PTPRD: variants seen among roughly 807,000 people sequenced by gnomAD.
PTPRD encodes protein tyrosine phosphatase receptor type D, also known as receptor-type tyrosine-protein phosphatase delta.
PTPRD carries 34 observed loss-of-function variants against 214.5 expected under a neutral mutation model. That is an observed-to-expected ratio of 0.16 (90% CI 0.12 to 0.21). The LOEUF (loss-of-function observed/expected upper bound fraction) is 0.21, where lower values mean the gene tolerates loss of function less well. Among genes scored for constraint, PTPRD ranks in the 10% least tolerant of loss-of-function variants. The pLI is 1.00. For missense variants in PTPRD, 2,545 were observed against 2,398.7 expected, an observed-to-expected ratio of 1.06 and a Z score of -1.27; for synonymous variants, 1,128 against 845.7, an observed-to-expected ratio of 1.33 and a Z score of -5.79.
chr9:10,444,835 C>A (rs1282429341), intron 2 of PTPRD, among the ~76,000 whole-genome samples: 3 of 151,678 alleles, frequency 2.0e-5, no homozygotes, highest in Non-Finnish European at 4.4e-5. Context: ...TTAAAATTAA[C>A]TAACTTTTTC....
intron 8 of PTPRD, among the ~76,000 whole-genome samples, chr9:9,430,101 G>A (rs868734617): frequency 5.9e-5 from 9 of 152,146 alleles, no homozygotes; most frequent in Admixed American, 3.9e-4. Flanking sequence ...AGGAAAAGAG[G>A]AAGTCAAACT....
intron 3 of PTPRD, among the ~76,000 whole-genome samples, chr9:10,245,730 A>G (rs2091966240): frequency 1.3e-5 from 2 of 152,132 alleles, no homozygotes; most frequent in African/African-American, 2.4e-5. Context: ...CTATGTGTAT[A>G]TGTGTGTGTA....
intron 5 of PTPRD, among the ~76,000 whole-genome samples, chr9:9,845,968 C>G (rs1342265024): frequency 6.6e-6 from 1 of 152,078 alleles, no homozygotes; most frequent in Non-Finnish European, 1.5e-5. Context: ...TGATGCTCTT[C>G]ATTACCAACA....
At chr9:10,248,351 C>T (rs1431231181) in intron 3 of PTPRD, among the ~76,000 whole-genome samples, 1 of 151,886 alleles carries the variant, frequency 6.6e-6, no homozygotes, top group Admixed American at 6.6e-5. Context: ...TCTACAACCT[C>T]TAAGTTAGGA....
Position 9,904,760 on chromosome 9 carries a change from C to T in PTPRD, c.-368+33747G>A, listed in dbSNP as rs377755124. On this transcript the variant is annotated intron_variant, in intron 5 of 45. Transcript: ENST00000381196. Reference sequence around the variant, plus strand: ...TTTTTAATTTGAGAAAATGTAATGACACATGCAAATTTATTTGGAAAATAG... The same window carrying T: ...TTTTTAATTTGAGAAAATGTAATGATACATGCAAATTTATTTGGAAAATAG... Among the ~76,000 whole-genome samples, 9 of 152,094 alleles carry T rather than the reference C, an allele frequency of 5.9e-5. No homozygotes were observed. In the East Asian group the frequency reaches 1.2e-3, roughly 20 times the overall value.
chr9:9,773,717 A>G (rs1460212158), intron 5 of PTPRD, among the ~76,000 whole-genome samples: 1 of 152,196 alleles, frequency 6.6e-6, no homozygotes, highest in Non-Finnish European at 1.5e-5. Flanking sequence ...CCTGGTCATG[A>G]ATGCCAATTT....
intron 7 of PTPRD, among the ~76,000 whole-genome samples, chr9:9,689,810 A>G (rs898012958): frequency 1.3e-5 from 2 of 151,886 alleles, no homozygotes; most frequent in African/African-American, 4.8e-5. Context: ...GCTGCAAATG[A>G]CAGGATTTCA....
intron 11 of PTPRD, among the ~76,000 whole-genome samples, chr9:8,810,689 G>A (rs1031362022): frequency 6.6e-6 from 1 of 152,120 alleles, no homozygotes; most frequent in East Asian, 1.9e-4. Flanking sequence ...TTAAATATTG[G>A]CAACTATTTG....
Position 10,207,382 on chromosome 9 carries a change from A to G in PTPRD, c.-545+133581T>C, listed in dbSNP as rs192907367. ...ATGAGAGACATTGGTCTGTAATTTC[A>G]TTTTCTTCTAATGTTATTTATCAGG... is the stretch of plus-strand genomic sequence containing the variant. On this transcript the variant is annotated intron_variant, in intron 3 of 45. Coordinates refer to ENST00000381196, the MANE Select transcript of PTPRD (RefSeq NM_002839.4). Among the ~76,000 whole-genome samples the G allele has an allele frequency of 3.8e-4, 57 of 151,950 alleles. 2 individuals are homozygous for G. The highest frequency in any genetic ancestry group is 3.4e-3 in the Middle Eastern group (1 of 292).
intron 11 of PTPRD, among the ~76,000 whole-genome samples, chr9:8,838,701 T>G (rs900134370): frequency 6.6e-6 from 1 of 151,880 alleles, no homozygotes; most frequent in Admixed American, 6.6e-5. Flanking sequence ...GGCAAAAGAG[T>G]AGGTAGTTTG....
intron 11 of PTPRD, among the ~76,000 whole-genome samples, chr9:8,903,758 T>C (rs1408186635): frequency 6.7e-6 from 1 of 148,362 alleles, no homozygotes; most frequent in Non-Finnish European, 1.5e-5. Flanking sequence ...CTTTAAAAAA[T>C]TATGGGAAAT....
chr9:9,421,353 A>T (rs2078745271), intron 8 of PTPRD, among the ~76,000 whole-genome samples: 1 of 152,064 alleles, frequency 6.6e-6, no homozygotes, highest in Non-Finnish European at 1.5e-5. Flanking sequence ...ATAATAAAAA[A>T]ATTAAATATA....
chr9:9,944,100 A>C (rs953075520), intron 4 of PTPRD, among the ~76,000 whole-genome samples: 1 of 152,164 alleles, frequency 6.6e-6, no homozygotes, highest in Non-Finnish European at 1.5e-5. Flanking sequence ...TTAGCCTGTT[A>C]GTCACAAGAC....
At chr9:10,515,768 A>T (rs1397207969) in intron 2 of PTPRD, among the ~76,000 whole-genome samples, 1 of 151,912 alleles carries the variant, frequency 6.6e-6, no homozygotes, top group African/African-American at 2.4e-5. Context: ...AGACCCCAGC[A>T]ACCACCATGC....
At chr9:9,047,156 T>A (rs909108433) in intron 10 of PTPRD, among the ~76,000 whole-genome samples, 1 of 151,958 alleles carries the variant, frequency 6.6e-6, no homozygotes. Flanking sequence ...ATACTGTTTA[T>A]AATAGCCACA....
At chr9:9,912,813 A>G (rs953646856) in intron 5 of PTPRD, among the ~76,000 whole-genome samples, 1 of 152,236 alleles carries the variant, frequency 6.6e-6, no homozygotes, top group African/African-American at 2.4e-5. Context: ...ATGTGATTCA[A>G]TAGCACTGAG....
intron 2 of PTPRD, among the ~76,000 whole-genome samples, chr9:10,509,557 T>TTTTATATATATATATATATATA (rs1555449948): frequency 8.4e-5 from 9 of 106,690 alleles, no homozygotes; most frequent in South Asian, 3.3e-4. Context: ...TTAATAAATA[T>TTTTATATATATATATATATATA]TATATATATA....
rs555815665 is a variant in PTPRD at position 10,495,657 on chromosome 9, T to G, written c.-600+116741A>C. On this transcript the variant is annotated intron_variant, in intron 2 of 45. Coordinates refer to ENST00000381196, the MANE Select transcript of PTPRD (RefSeq NM_002839.4). Reference sequence around the variant, plus strand: ...GTAAGGATAAAAGAGGAAAATATTCTAATATATTTAATACATAATTCCTAA... The same window carrying G: ...GTAAGGATAAAAGAGGAAAATATTCGAATATATTTAATACATAATTCCTAA... 3.3e-5 allele frequency among the ~76,000 whole-genome samples: 5 copies of G among 151,864 alleles called. No homozygotes were observed. In the East Asian group the frequency reaches 9.6e-4, roughly 29 times the overall value.
At chr9:8,933,763 G>A (rs1254862120) in intron 11 of PTPRD, among the ~76,000 whole-genome samples, 1 of 152,020 alleles carries the variant, frequency 6.6e-6, no homozygotes, top group African/African-American at 2.4e-5. Context: ...GGGGTATGGA[G>A]GGACAAAAAC....
Sources: gnomAD v4.1 joint callset for allele counts (sites outside exome capture counted in the v4.1 genomes callset) on GRCh38, gnomAD v4.1.1 for gene constraint, MANE v1.5 for transcripts, NCBI Gene and HGNC (gene_info 2026-07-23, HGNC 2026-07-21) for gene names.